The following GALNTL6 variants were observed in gnomAD, a reference collection of about 807,000 sequenced individuals.
GALNTL6 encodes the protein polypeptide N-acetylgalactosaminyltransferase like 6, also known as polypeptide N-acetylgalactosaminyltransferase-like 6.
A neutral mutation model predicts 73.7 loss-of-function variants in GALNTL6; 46 were observed. The ratio of observed to expected loss-of-function variants is 0.62; its 90% CI spans 0.49 to 0.80. The LOEUF (loss-of-function observed/expected upper bound fraction) is 0.80, where lower values mean the gene tolerates loss of function less well. GALNTL6 is among the 30% of genes least tolerant of loss of function. GALNTL6 has a pLI of 0.00. For missense variants in GALNTL6, 604 were observed against 755.0 expected, an observed-to-expected ratio of 0.80 and a Z score of 2.34; for synonymous variants, 259 against 263.7, an observed-to-expected ratio of 0.98 and a Z score of 0.17.
intron 5 of GALNTL6, among the ~76,000 whole-genome samples, chr4:172,762,770 C>A (rs1468709439): frequency 1.1e-5 from 1 of 95,104 alleles, no homozygotes; most frequent in African/African-American, 4.2e-5. Flanking sequence ...ATTATCCAAA[C>A]AGCAGATTCA....
At chr4:171,959,901 T>G (rs1442533820) in intron 2 of GALNTL6, among the ~76,000 whole-genome samples, 4 of 152,238 alleles carry the variant, frequency 2.6e-5, no homozygotes, top group African/African-American at 9.6e-5. Flanking sequence ...AAGACCTTCA[T>G]ATTTCATATT....
chr4:172,500,864 A>G (rs1579133605), intron 5 of GALNTL6, among the ~76,000 whole-genome samples: 1 of 152,200 alleles, frequency 6.6e-6, no homozygotes, highest in South Asian at 2.1e-4. Flanking sequence ...GCGGTGCTCA[A>G]TGTATGTAGA....
chr4:172,941,791 A>T (rs984971374), intron 9 of GALNTL6, among the ~76,000 whole-genome samples: 3 of 152,258 alleles, frequency 2.0e-5, no homozygotes, highest in Non-Finnish European at 2.9e-5. Flanking sequence ...AAAGACGAGT[A>T]GGGCTGGCCA....
At chr4:171,978,784 G>C (rs1415260419) in intron 2 of GALNTL6, among the ~76,000 whole-genome samples, 1 of 151,500 alleles carries the variant, frequency 6.6e-6, no homozygotes, top group East Asian at 1.9e-4. Context: ...AAAACTAAAA[G>C]CATTTTTTCA....
At chr4:172,949,122 A>G (rs1448878553) in intron 9 of GALNTL6, among the ~76,000 whole-genome samples, 1 of 152,228 alleles carries the variant, frequency 6.6e-6, no homozygotes, top group Non-Finnish European at 1.5e-5. Context: ...GCTTTTATCA[A>G]TAGATACATA....
At chr4:172,958,310 C>T (rs754399484) in intron 10 of GALNTL6, among the ~76,000 whole-genome samples, 34 of 152,106 alleles carry the variant, frequency 2.2e-4, no homozygotes, top group Non-Finnish European at 4.3e-4. Context: ...CTACAGGGTG[C>T]GGTCCTGGTC....
chr4:172,482,357 G>T (rs955137870), intron 5 of GALNTL6, among the ~76,000 whole-genome samples: 15 of 152,244 alleles, frequency 9.9e-5, no homozygotes, highest in African/African-American at 3.1e-4. Flanking sequence ...CTCAAGCGTG[G>T]CCAGAGCGGA....
At chr4:172,299,849 T>A (rs1421305926) in intron 3 of GALNTL6, among the ~76,000 whole-genome samples, 5 of 152,304 alleles carry the variant, frequency 3.3e-5, no homozygotes, top group South Asian at 2.1e-4. Context: ...ATTCTGTTGA[T>A]TTGGGGTGGA....
chr4:172,654,944 A>G (rs1057390777), intron 5 of GALNTL6, among the ~76,000 whole-genome samples: 8 of 152,296 alleles, frequency 5.3e-5, no homozygotes, highest in African/African-American at 1.7e-4. Context: ...CCTATTTTAC[A>G]GATGAAGAAA....
chr4:172,218,165 C>G (rs763947366), intron 2 of GALNTL6, among the ~76,000 whole-genome samples: 1 of 152,092 alleles, frequency 6.6e-6, no homozygotes, highest in Admixed American at 6.6e-5. Flanking sequence ...CATAAGTTTC[C>G]TCTCTTTGCC....
At chr4:172,798,447 CTT>C (rs1216166349) in intron 5 of GALNTL6, among the ~76,000 whole-genome samples, 1 of 152,220 alleles carries the variant, frequency 6.6e-6, no homozygotes, top group Non-Finnish European at 1.5e-5. Flanking sequence ...CTCTCTCTCT[CTT>C]GCTTCTACTC....
chr4:173,037,788 G>A (rs532118608), intron 12 of GALNTL6, among the ~76,000 whole-genome samples: 1 of 151,986 alleles, frequency 6.6e-6, no homozygotes, highest in Admixed American at 6.5e-5. Flanking sequence ...TGTCTCCCAG[G>A]CTGGAGTGCA....
At chr4:172,137,806 GGCAGGT>G (rs2111030959) in intron 2 of GALNTL6, among the ~76,000 whole-genome samples, 1 of 152,258 alleles carries the variant, frequency 6.6e-6, no homozygotes, top group South Asian at 2.1e-4. Context: ...AGAACAGAGA[GGCAGGT>G]GCAAGTTATG....
chr4:171,925,774 G>A (rs1048397521), intron 2 of GALNTL6, among the ~76,000 whole-genome samples: 1 of 151,898 alleles, frequency 6.6e-6, no homozygotes, highest in African/African-American at 2.4e-5. Context: ...TCTTTGTATT[G>A]ATGATAATAA....
intron 5 of GALNTL6, among the ~76,000 whole-genome samples, chr4:172,469,025 T>G (rs1732941425): frequency 6.6e-6 from 1 of 152,172 alleles, no homozygotes; most frequent in Non-Finnish European, 1.5e-5. Flanking sequence ...GATTCATTGG[T>G]TGGCATTTGT....
chr4:172,474,226 C>T (rs769602897), intron 5 of GALNTL6, among the ~76,000 whole-genome samples: 19 of 152,118 alleles, frequency 1.2e-4, no homozygotes, highest in Admixed American at 6.6e-5. Flanking sequence ...TCCACTCAGA[C>T]CTCACCGACT....
intron 5 of GALNTL6, among the ~76,000 whole-genome samples, chr4:172,794,882 A>G (rs1396790639): frequency 1.3e-5 from 2 of 152,232 alleles, no homozygotes; most frequent in African/African-American, 4.8e-5. Flanking sequence ...AGTCTAAACG[A>G]GAGCTGTTTC....
At chr4:172,708,393 G>C (rs1173515213) in intron 5 of GALNTL6, among the ~76,000 whole-genome samples, 1 of 152,198 alleles carries the variant, frequency 6.6e-6, no homozygotes, top group Non-Finnish European at 1.5e-5. Context: ...TAGTACAGGT[G>C]TCATCCAGGC....
At chr4:171,879,157 A>T (rs1388252575) in intron 2 of GALNTL6, among the ~76,000 whole-genome samples, 1 of 152,232 alleles carries the variant, frequency 6.6e-6, no homozygotes, top group African/African-American at 2.4e-5. Flanking sequence ...TTTAATTCTT[A>T]TTGAGAATTA....
Sources: allele counts gnomAD v4.1 joint callset (sites outside exome capture counted in the v4.1 genomes callset), GRCh38; gene constraint gnomAD v4.1.1; transcripts MANE v1.5; gene names NCBI Gene and HGNC (gene_info 2026-07-23, HGNC 2026-07-21).